SLC9A9: variants seen among roughly 807,000 people sequenced by gnomAD.
The protein encoded by SLC9A9 is sodium/hydrogen exchanger 9.
SLC9A9 carries 62 observed loss-of-function variants against 77.8 expected under a neutral mutation model. That is an observed-to-expected ratio of 0.80 (90% confidence interval 0.65 to 0.98). The LOEUF is 0.98. SLC9A9 is among the 50% of genes least tolerant of loss of function. SLC9A9 has a pLI of 0.00. For synonymous variants in SLC9A9, 320 were observed against 283.5 expected (o/e 1.13, Z -1.29); for missense variants, 775 against 774.9 (o/e 1.00, Z 0.00).
chr3:143,360,608 A>G (rs1205623781), intron 14 of SLC9A9, among the ~76,000 whole-genome samples: 1 of 152,182 alleles, frequency 6.6e-6, no homozygotes, highest in Non-Finnish European at 1.5e-5. Context: ...TAAGTTTTAT[A>G]ATTTTTATTC....
intron 4 of SLC9A9, among the ~76,000 whole-genome samples, chr3:143,722,841 C>A (rs1408762079): frequency 6.6e-6 from 1 of 152,118 alleles, no homozygotes; most frequent in Non-Finnish European, 1.5e-5. Flanking sequence ...TCTGATAATT[C>A]CTATTTTAAT....
At chr3:143,824,775 T>G (rs1256291689) in intron 2 of SLC9A9, among the ~76,000 whole-genome samples, 1 of 152,200 alleles carries the variant, frequency 6.6e-6, no homozygotes, top group Non-Finnish European at 1.5e-5. Context: ...ATATTTAGAG[T>G]CTTTAAATAC....
chr3:143,819,388 A>C (rs2009110529), intron 2 of SLC9A9, among the ~76,000 whole-genome samples: 1 of 152,228 alleles, frequency 6.6e-6, no homozygotes, highest in South Asian at 2.1e-4. Context: ...TTAAGACCAA[A>C]ACATCTACAT....
intron 6 of SLC9A9, among the ~76,000 whole-genome samples, chr3:143,649,469 C>T (rs1292447155): frequency 6.6e-6 from 1 of 152,150 alleles, no homozygotes; most frequent in Non-Finnish European, 1.5e-5. Context: ...CCTGCTGCTA[C>T]GTACAAGAGT....
Position 143,268,894 on chromosome 3 carries a change from G to C in SLC9A9, c.1691C>G (p.Thr564Ser). The C allele has an allele frequency of 3.7e-6, 6 of 1,613,832 alleles. No homozygotes were observed. The highest frequency in any genetic ancestry group is 5.1e-6 in the Non-Finnish European group (6 of 1,179,824). The change falls in exon 15 of 16, where the codon ACC becomes AGC. Residue 564 changes from threonine (T) to serine (S), a missense_variant. By Grantham distance (58) the Thr-to-Ser change is moderately conservative (BLOSUM62 1). Transcript: ENST00000316549. ...EWCGPISRLLTSPQAYGEQLK... is the reference protein window; with the variant it reads ...EWCGPISRLLSSPQAYGEQLK... ...ACTTACCCCATAGGCTTGAGGACTGGTAAGCAGCCTGGAAATCGGACCACA... is the reference window on the plus strand; with the variant it reads ...ACTTACCCCATAGGCTTGAGGACTGCTAAGCAGCCTGGAAATCGGACCACA...
chr3:143,551,842 T>G (rs76168782), intron 9 of SLC9A9, among the ~76,000 whole-genome samples: 5,419 of 152,286 alleles, frequency 0.036, 140 homozygotes, highest in South Asian at 0.093. Context: ...AGAGTGGCTG[T>G]GCAGCAAATG....
At position 143,266,660 on chromosome 3, in the gene SLC9A9, G is replaced by T; in HGVS notation, c.*42C>A. The T allele has an allele frequency of 6.2e-7, 1 of 1,602,868 alleles. No homozygotes were observed. The highest frequency in any genetic ancestry group is 8.5e-7 in the Non-Finnish European group (1 of 1,170,262). Reference sequence around the variant, plus strand: ...CAGCTTGGCTTGTATTCCTCAGTGAGTCTTGCATTACTTGTGATTACATCT... The same window carrying T: ...CAGCTTGGCTTGTATTCCTCAGTGATTCTTGCATTACTTGTGATTACATCT... On this transcript the variant is annotated 3_prime_UTR_variant, in exon 16 of 16. Transcript: ENST00000316549.
rs966312338 is a variant in SLC9A9 at position 143,754,704 on chromosome 3, C to T, written c.533+40297G>A. ...GAAAGCAGAGGGGTGGAAACTGAGC[C>T]AGGAGTCCTGAGACAAAGCCCATGA... On this transcript the variant is annotated intron_variant, in intron 4 of 15. Coordinates refer to ENST00000316549, the MANE Select transcript of SLC9A9 (RefSeq NM_173653.4). Among the ~76,000 whole-genome samples, 9 of 152,136 alleles carry T rather than the reference C, an allele frequency of 5.9e-5. No individual in the cohort carries two copies. In the East Asian group the frequency reaches 1.7e-3, roughly 29 times the overall value.
At chr3:143,391,792 T>C (rs1040646135) in intron 12 of SLC9A9, among the ~76,000 whole-genome samples, 2 of 152,092 alleles carry the variant, frequency 1.3e-5, no homozygotes, top group Non-Finnish European at 2.9e-5. Context: ...GCACGAGAAC[T>C]ATGGGACGAA....
At chr3:143,743,177 G>A (rs1431705294) in intron 4 of SLC9A9, among the ~76,000 whole-genome samples, 1 of 151,722 alleles carries the variant, frequency 6.6e-6, no homozygotes, top group Non-Finnish European at 1.5e-5. Flanking sequence ...CAGACCAATA[G>A]GAAGGAAGGA....
intron 6 of SLC9A9, among the ~76,000 whole-genome samples, chr3:143,585,740 C>A (rs1384604705): frequency 4.6e-4 from 70 of 152,194 alleles, no homozygotes; most frequent in Non-Finnish European, 9.8e-4. Flanking sequence ...TGGGCTTACC[C>A]CACATACTCT....
intron 6 of SLC9A9, among the ~76,000 whole-genome samples, chr3:143,621,302 C>T (rs553985398): frequency 1.1e-4 from 17 of 152,312 alleles, no homozygotes; most frequent in South Asian, 4.1e-4. Context: ...GATCTGAGAA[C>T]GGACAGACTG....
At chr3:143,725,500 T>C (rs1227691777) in intron 4 of SLC9A9, among the ~76,000 whole-genome samples, 1 of 151,470 alleles carries the variant, frequency 6.6e-6, no homozygotes, top group Non-Finnish European at 1.5e-5. Flanking sequence ...TGTCCAACAA[T>C]GATAGACTGG....
chr3:143,834,338 A>G (rs2009512972), intron 1 of SLC9A9, among the ~76,000 whole-genome samples: 1 of 151,890 alleles, frequency 6.6e-6, no homozygotes, highest in Non-Finnish European at 1.5e-5. Context: ...GGGAACATAG[A>G]TCATCTACAC....
At chr3:143,336,550 A>T (rs2031930176) in intron 14 of SLC9A9, among the ~76,000 whole-genome samples, 1 of 152,196 alleles carries the variant, frequency 6.6e-6, no homozygotes, top group African/African-American at 2.4e-5. Flanking sequence ...ATACAATAGG[A>T]TATTCTTCAG....
At chr3:143,290,128 T>A (rs1938497590) in intron 14 of SLC9A9, among the ~76,000 whole-genome samples, 1 of 152,092 alleles carries the variant, frequency 6.6e-6, no homozygotes, top group South Asian at 2.1e-4. Context: ...CTGCACCCAA[T>A]ATAACTCAGG....
chr3:143,687,872 A>G (rs927944728), intron 5 of SLC9A9, among the ~76,000 whole-genome samples: 4 of 152,200 alleles, frequency 2.6e-5, no homozygotes, highest in Admixed American at 2.0e-4. Flanking sequence ...GGGCCCCAGG[A>G]TGCTCTTTAT....
chr3:143,768,263 T>G (rs2007396526), intron 4 of SLC9A9, among the ~76,000 whole-genome samples: 1 of 152,156 alleles, frequency 6.6e-6, no homozygotes, highest in African/African-American at 2.4e-5. Flanking sequence ...CCTGTGATAA[T>G]AAGTAATCAA....
At chr3:143,430,984 T>A (rs2034503089) in intron 12 of SLC9A9, among the ~76,000 whole-genome samples, 1 of 152,196 alleles carries the variant, frequency 6.6e-6, no homozygotes, top group Admixed American at 6.5e-5. Context: ...AAAAAGAGCC[T>A]CATCACTGAT....
Sources: allele counts gnomAD v4.1 joint callset (sites outside exome capture counted in the v4.1 genomes callset), GRCh38; gene constraint gnomAD v4.1.1; transcripts MANE v1.5; gene names NCBI Gene and HGNC (gene_info 2026-07-23, HGNC 2026-07-21).